NME7: variants seen among roughly 807,000 people sequenced by gnomAD.
NME7 encodes the protein nucleoside diphosphate kinase 7.
In NME7, 41 loss-of-function variants were observed where a neutral mutation model predicts 49.1. The observed-to-expected ratio is 0.83, with a 90% CI of 0.65 to 1.08. NME7 has a LOEUF of 1.08. NME7 is among the 50% of genes least tolerant of loss of function. The pLI is 0.00. For synonymous variants in NME7, 139 were observed against 150.6 expected (o/e 0.92, Z 0.56); for missense variants, 423 against 463.4 (o/e 0.91, Z 0.80).
At chr1:169,209,971 C>T (rs2101791553) in intron 10 of NME7, among the ~76,000 whole-genome samples, 1 of 152,254 alleles carries the variant, frequency 6.6e-6, no homozygotes, top group Non-Finnish European at 1.5e-5. Flanking sequence ...TCAGATTCTT[C>T]TAAAAGACTT....
intron 3 of NME7, among the ~76,000 whole-genome samples, chr1:169,318,122 T>A (rs971449772): frequency 6.6e-6 from 1 of 152,218 alleles, no homozygotes; most frequent in Non-Finnish European, 1.5e-5. Context: ...TGGGCAAGTA[T>A]GCCCTTAGTT....
At chr1:169,330,740 TGG>T (rs1652224097) in intron 1 of NME7, among the ~76,000 whole-genome samples, 2 of 152,092 alleles carry the variant, frequency 1.3e-5, no homozygotes, top group African/African-American at 4.8e-5. Context: ...AAATCTTTAG[TGG>T]CTACTACAAG....
chr1:169,222,541 A>C (rs1049290140), intron 10 of NME7, among the ~76,000 whole-genome samples: 4 of 152,236 alleles, frequency 2.6e-5, no homozygotes, highest in Non-Finnish European at 5.9e-5. Context: ...ATTGATTCTG[A>C]ATAGTAATTT....
chr1:169,192,076 A>G (rs1660245567), intron 10 of NME7, among the ~76,000 whole-genome samples: 1 of 152,216 alleles, frequency 6.6e-6, no homozygotes, highest in Non-Finnish European at 1.5e-5. Flanking sequence ...AGTATTGGAG[A>G]TACCAAAAAG....
chr1:169,214,555 T>C (rs1215295196), intron 10 of NME7, among the ~76,000 whole-genome samples: 1 of 152,190 alleles, frequency 6.6e-6, no homozygotes, highest in African/African-American at 2.4e-5. Flanking sequence ...ATTTGCTTCT[T>C]AGGATAACTT....
Position 169,298,809 on chromosome 1 carries a change from T to C in NME7, c.441-46A>G, listed in dbSNP as rs1215819509. ...TAGTTTGCTTCTTTTTTCTGTCAAC[T>C]AGGTATTTGTCTTAACGACAGGATA... is the stretch of plus-strand genomic sequence containing the variant. On this transcript the variant is annotated intron_variant, in intron 5 of 11. Transcript: ENST00000367811. 5 of 1,473,310 alleles carry C rather than the reference T, an allele frequency of 3.4e-6. No homozygotes were observed. In the East Asian group the frequency reaches 9.1e-5, roughly 27 times the overall value. 91.3% of individuals were successfully genotyped at this position (1,473,310 alleles called of 1,614,324 possible). A position where few individuals can be genotyped will look rare whatever the true frequency, so the allele number is the denominator to read the frequency against.
At chr1:169,153,059 T>C (rs539866659) in intron 11 of NME7, among the ~76,000 whole-genome samples, 7 of 152,264 alleles carry the variant, frequency 4.6e-5, no homozygotes, top group East Asian at 1.9e-4. Context: ...GTTTGCTGTA[T>C]AGAAACACTG....
At position 169,157,693 on chromosome 1, in the gene NME7, C is replaced by A. The variant is rs183853004; in HGVS notation, c.1098+11754G>T. Among the ~76,000 whole-genome samples, 12 of 152,278 alleles carry A rather than the reference C, an allele frequency of 7.9e-5. 1 individual carries two copies. The highest frequency in any genetic ancestry group is 7.2e-4 in the Admixed American group (11 of 15,290). On this transcript the variant is annotated intron_variant, in intron 11 of 11. Coordinates refer to ENST00000367811, the MANE Select transcript of NME7 (RefSeq NM_013330.5). ...AACAACCCTTGGCTACAATTAAATCCATCTAGAGAGGCTATTGATCCTTTC... is the reference window on the plus strand; with the variant it reads ...AACAACCCTTGGCTACAATTAAATCAATCTAGAGAGGCTATTGATCCTTTC...
chr1:169,185,793 C>T lies in NME7; in HGVS notation c.991-16239G>A, dbSNP rs114565060. On this transcript the variant is annotated intron_variant, in intron 10 of 11. Transcript: ENST00000367811. Reference sequence around the variant, plus strand: ...ACAGTGCCAAGTACATAATAGGTGTCGAATTGTTCAATTAATATTTACTTA... The same window carrying T: ...ACAGTGCCAAGTACATAATAGGTGTTGAATTGTTCAATTAATATTTACTTA... 2.0e-3 allele frequency among the ~76,000 whole-genome samples: 307 copies of T among 152,150 alleles called. 4 individuals carry two copies. Among genetic ancestry groups the T allele is most frequent in the African/African-American group, 7.1e-3 (294 of 41,514 alleles).
intron 11 of NME7, among the ~76,000 whole-genome samples, chr1:169,166,369 T>C (rs1262776550): frequency 1.3e-5 from 2 of 152,154 alleles, no homozygotes; most frequent in South Asian, 2.1e-4. Context: ...CAAAGATGCA[T>C]AATAGATAAG....
chr1:169,157,657 G>A (rs1200164), intron 11 of NME7, among the ~76,000 whole-genome samples: 1 of 152,014 alleles, frequency 6.6e-6, no homozygotes. Context: ...CTGGAGTTCC[G>A]TTGGAAGTGT....
intron 9 of NME7, among the ~76,000 whole-genome samples, chr1:169,231,516 G>T (rs942214269): frequency 1.2e-4 from 19 of 152,184 alleles, no homozygotes; most frequent in African/African-American, 4.3e-4. Flanking sequence ...GGAGAGATGA[G>T]GGGAGTATGC....
At chr1:169,275,801 A>T (rs1649694346) in intron 7 of NME7, among the ~76,000 whole-genome samples, 1 of 133,572 alleles carries the variant, frequency 7.5e-6, no homozygotes, top group African/African-American at 2.5e-5. Context: ...TTGCCCATTC[A>T]GTGTGATACT....
chr1:169,283,233 T>A (rs918291083), intron 7 of NME7, among the ~76,000 whole-genome samples: 1 of 152,168 alleles, frequency 6.6e-6, no homozygotes, highest in South Asian at 2.1e-4. Context: ...TCTTTGTTGG[T>A]TTAAAGTCTG....
At chr1:169,306,572 G>C (rs1288247264) in intron 4 of NME7, among the ~76,000 whole-genome samples, 2 of 152,168 alleles carry the variant, frequency 1.3e-5, no homozygotes, top group East Asian at 3.9e-4. Context: ...ATGAGGAATG[G>C]GGGAGCAGCA....
chr1:169,324,553 C>A, intron 1 of NME7, 53 bp from the exon 2 acceptor site: 1 of 1,067,322 alleles, frequency 9.4e-7, no homozygotes, highest in Non-Finnish European at 1.4e-6. Flanking sequence ...AACAAGCACT[C>A]TTCTGTAAGT....
Position 169,270,183 on chromosome 1 carries a change from C to T in NME7, c.754+17120G>A, listed in dbSNP as rs76419609. Among the ~76,000 whole-genome samples, 711 of 134,510 alleles carry T rather than the reference C, an allele frequency of 5.3e-3. 71 individuals carry two copies. The highest frequency in any genetic ancestry group is 0.017 in the African/African-American group (664 of 39,798). The allele number at this position is 134,510 out of a possible 152,430, so 88.2% of individuals were successfully genotyped here. ...ATCTTAACTCATTTTACTGATGAAA[C>T]TAAACTTCAAAAAGGACTGTTATAA... On this transcript the variant is annotated intron_variant, in intron 7 of 11. Transcript: ENST00000367811.
chr1:169,154,318 G>A (rs1659001889), intron 11 of NME7, among the ~76,000 whole-genome samples: 1 of 152,098 alleles, frequency 6.6e-6, no homozygotes, highest in Non-Finnish European at 1.5e-5. Flanking sequence ...GGGCAGAAAT[G>A]TGTATCTTCA....
rs1408239568 is a variant in NME7 at position 169,305,220 on chromosome 1, T to G, written c.390-2025A>C. ...TTAAAGGTTTAGAAGGAAATAGGTA[T>G]TAACAAGTGAATCACTATCTAGAGA... On this transcript the variant is annotated intron_variant, in intron 4 of 11. Transcript: ENST00000367811. Among the ~76,000 whole-genome samples, 3 of 152,346 alleles carry G rather than the reference T, an allele frequency of 2.0e-5. No individual in the cohort carries two copies. In the East Asian group the frequency reaches 5.8e-4, roughly 29 times the overall value.
Sources: gnomAD v4.1 joint callset for allele counts (sites outside exome capture counted in the v4.1 genomes callset) on GRCh38, gnomAD v4.1.1 for gene constraint, MANE v1.5 for transcripts, NCBI Gene and HGNC (gene_info 2026-07-23, HGNC 2026-07-21) for gene names.